Variants in CFAP57 observed in about 807,000 individuals in gnomAD.
CFAP57 encodes cilia and flagella associated protein 57, also known as cilia- and flagella-associated protein 57.
Under a neutral mutation model 146.8 loss-of-function variants are expected in CFAP57, and 116 were observed. That is an observed-to-expected ratio of 0.79 (90% CI 0.68 to 0.92). The LOEUF is 0.92. Ranked by LOEUF, CFAP57 falls within the 40% of genes least tolerant of loss-of-function variation. The pLI is 0.00. For synonymous variants in CFAP57, 518 were observed against 552.8 expected, an observed-to-expected ratio of 0.94 and a Z score of 0.88; for missense variants, 1,377 against 1,527.2, an observed-to-expected ratio of 0.90 and a Z score of 1.64.
At chr1:43,175,950 A>T (rs1645155554) in intron 2 of CFAP57, among the ~76,000 whole-genome samples, 1 of 149,262 alleles carries the variant, frequency 6.7e-6, no homozygotes, top group African/African-American at 2.5e-5. Flanking sequence ...CTTAATGTTT[A>T]ATGTATCCAT....
intron 6 of CFAP57, among the ~76,000 whole-genome samples, chr1:43,194,308 T>C (rs1311573944): frequency 1.3e-5 from 2 of 152,158 alleles, no homozygotes; most frequent in Non-Finnish European, 2.9e-5. Flanking sequence ...AGATATCTGC[T>C]ATTAATCTTA....
intron 11 of CFAP57, among the ~76,000 whole-genome samples, chr1:43,212,066 A>G (rs1286493781): frequency 6.6e-6 from 1 of 152,250 alleles, no homozygotes; most frequent in East Asian, 1.9e-4. Flanking sequence ...GGAAATTTTA[A>G]AGATGGCACA....
At chr1:43,181,261 G>C (rs1484456840) in intron 2 of CFAP57, among the ~76,000 whole-genome samples, 2 of 152,126 alleles carry the variant, frequency 1.3e-5, no homozygotes, top group Middle Eastern at 3.4e-3. Flanking sequence ...TAGTAGAGAT[G>C]GGGTTTCACC....
intron 15 of CFAP57, among the ~76,000 whole-genome samples, chr1:43,222,516 T>C (rs146743697): frequency 1.2e-4 from 18 of 152,164 alleles, no homozygotes; most frequent in African/African-American, 3.9e-4. Flanking sequence ...GAGAAAAATA[T>C]AGGAAGGCTG....
intron 18 of CFAP57, 51 bp downstream of exon 18, chr1:43,227,177 T>G: frequency 6.9e-7 from 1 of 1,457,812 alleles, no homozygotes; most frequent in African/African-American, 1.4e-5. Flanking sequence ...TGTCTCTTCT[T>G]CCACAATTGG....
intron 17 of CFAP57, among the ~76,000 whole-genome samples, chr1:43,225,051 T>TTTTGTTTGTTTGTTTG (rs146484094): frequency 1.3e-5 from 2 of 151,114 alleles, no homozygotes; most frequent in Non-Finnish European, 2.9e-5. Flanking sequence ...ATATCCAGGG[T>TTTTGTTTGTTTGTTTG]TTTGTTTGTT....
intron 17 of CFAP57, 79 bp downstream of exon 17, chr1:43,224,283 G>A: frequency 1.4e-6 from 2 of 1,416,938 alleles, no homozygotes. Flanking sequence ...GGGAGAGAGG[G>A]TCCCTAGCTT....
In CFAP57 at chr1:43,198,545, C is replaced by T. The variant is rs930113865; in HGVS notation, c.1327C>T (p.His443Tyr). ...AYSISLHPSG[H>Y]FIVVGFADKL... ...TTCCATCAGCCTTCATCCATCTGGA[C>T]ACTTCATTGTAGTAGGGTTTGCTGA... The change falls in exon 8 of 23, where the codon CAC (histidine) becomes TAC (tyrosine). Residue 443 changes from histidine to tyrosine, a missense_variant. His to Tyr is a moderately conservative substitution (Grantham distance 83, BLOSUM62 2). Transcript: ENST00000372492. 1 of 1,613,938 alleles carries T rather than the reference C, an allele frequency of 6.2e-7. No individual in the cohort carries two copies. Among genetic ancestry groups the T allele is most frequent in the African/African-American group, 1.3e-5 (1 of 74,910 alleles).
chr1:43,247,328 A>G (rs751005168), intron 22 of CFAP57, among the ~76,000 whole-genome samples: 1 of 152,226 alleles, frequency 6.6e-6, no homozygotes, highest in Non-Finnish European at 1.5e-5. Flanking sequence ...AAAAAACCAC[A>G]TGATGAATAT....
intron 16 of CFAP57, 138 bp from the exon 17 acceptor site, chr1:43,223,908 C>A: frequency 9.6e-7 from 1 of 1,043,052 alleles, no homozygotes; most frequent in Non-Finnish European, 1.4e-6. Flanking sequence ...TCCTAAAATC[C>A]CAGAAATGTT....
At chr1:43,209,666 G>C in intron 10 of CFAP57, 77 bp from the exon 11 acceptor site, 1 of 1,410,524 alleles carries the variant, frequency 7.1e-7, no homozygotes, top group Non-Finnish European at 9.9e-7. Flanking sequence ...TTAGAGCAGA[G>C]GGCGAGAGAG....
chr1:43,239,796 C>T (rs1557829043), intron 21 of CFAP57, among the ~76,000 whole-genome samples: 3 of 152,168 alleles, frequency 2.0e-5, no homozygotes, highest in Non-Finnish European at 1.5e-5. Context: ...AAGCAAGCTT[C>T]CCCCTGTGGC....
At chr1:43,222,347 A>G in intron 15 of CFAP57, 52 bp downstream of exon 15, 1 of 1,375,328 alleles carries the variant, frequency 7.3e-7, no homozygotes, top group Non-Finnish European at 9.5e-7. Flanking sequence ...AAAGCCACCC[A>G]TTCACTCAGA....
At chr1:43,230,345 C>G (rs1645417529) in intron 18 of CFAP57, among the ~76,000 whole-genome samples, 1 of 152,230 alleles carries the variant, frequency 6.6e-6, no homozygotes, top group Non-Finnish European at 1.5e-5. Flanking sequence ...CCTGACTGGT[C>G]TGCCTGGCCC....
At chr1:43,194,209 A>G (rs1306973675) in intron 6 of CFAP57, among the ~76,000 whole-genome samples, 2 of 152,034 alleles carry the variant, frequency 1.3e-5, no homozygotes. Context: ...TCTAAAAGAT[A>G]GCTTTGCAGG....
At chr1:43,214,808 A>T (rs1190956899) in intron 11 of CFAP57, among the ~76,000 whole-genome samples, 1 of 152,026 alleles carries the variant, frequency 6.6e-6, no homozygotes. Flanking sequence ...TTTTTATTTT[A>T]GCTGTTCTAA....
chr1:43,201,071 C>G lies in CFAP57; in HGVS notation c.1542+1568C>G, dbSNP rs1376455517. On this transcript the variant is annotated intron_variant, in intron 9 of 22. Coordinates refer to ENST00000372492, the MANE Select transcript of CFAP57 (RefSeq NM_001378189.1). This position sits in a 1 kb window ranked among gnomAD's most constrained non-coding sequence, Gnocchi z 4.4. ...TTGGCCATGTGATATTTGACGTGCCCAGAAGTGTGATGTATGTGTGTGGAG... is the reference window on the plus strand; with the variant it reads ...TTGGCCATGTGATATTTGACGTGCCGAGAAGTGTGATGTATGTGTGTGGAG... 2.6e-5 allele frequency among the ~76,000 whole-genome samples: 4 copies of G among 151,968 alleles called. No individual in the cohort carries two copies. Among genetic ancestry groups the G allele is most frequent in the African/African-American group, 9.7e-5 (4 of 41,356 alleles).
chr1:43,178,672 T>C (rs950262585), intron 2 of CFAP57, among the ~76,000 whole-genome samples: 12 of 152,178 alleles, frequency 7.9e-5, no homozygotes, highest in Non-Finnish European at 1.3e-4. Flanking sequence ...TAAGAACACT[T>C]TTACATTGTT....
At chr1:43,217,390 A>T (rs1262016303) in intron 12 of CFAP57, among the ~76,000 whole-genome samples, 2 of 152,186 alleles carry the variant, frequency 1.3e-5, no homozygotes, top group Non-Finnish European at 2.9e-5. Flanking sequence ...AGGCCGGGTC[A>T]TTCCCATGGA....
Sources: allele counts gnomAD v4.1 joint callset (sites outside exome capture counted in the v4.1 genomes callset), GRCh38; gene constraint gnomAD v4.1.1; non-coding constraint Gnocchi (gnomAD v3.1); transcripts MANE v1.5; gene names NCBI Gene and HGNC (gene_info 2026-07-23, HGNC 2026-07-21).